Variants in RTN4IP1 observed in about 807,000 individuals in gnomAD.
RTN4IP1 encodes NAD(P)H oxidoreductase RTN4IP1, mitochondrial.
In RTN4IP1, 32 loss-of-function variants were observed where a neutral mutation model predicts 46.6. The observed-to-expected ratio is 0.69, with a 90% CI of 0.52 to 0.92. The LOEUF is 0.92. RTN4IP1 is among the 40% of genes least tolerant of loss of function. The pLI, the probability that RTN4IP1 is intolerant of heterozygous loss-of-function variation, is 0.00. For missense variants in RTN4IP1, 424 were observed against 485.8 expected, an observed-to-expected ratio of 0.87 and a Z score of 1.20; for synonymous variants, 167 against 161.8, an observed-to-expected ratio of 1.03 and a Z score of -0.24.
chr6:106,597,850 C>T (rs1170107291), intron 5 of RTN4IP1, among the ~76,000 whole-genome samples: 1 of 152,068 alleles, frequency 6.6e-6, no homozygotes, highest in Non-Finnish European at 1.5e-5. Context: ...CCCCGCTCCC[C>T]GCACCCCACC....
intron 5 of RTN4IP1, among the ~76,000 whole-genome samples, chr6:106,597,532 C>T (rs1775826960): frequency 6.6e-6 from 1 of 151,674 alleles, no homozygotes; most frequent in Non-Finnish European, 1.5e-5. Context: ...TTTGTAGAGA[C>T]GAGGTTTTGC....
chr6:106,620,428 A>G (rs1449045758), intron 3 of RTN4IP1, among the ~76,000 whole-genome samples: 1 of 152,102 alleles, frequency 6.6e-6, no homozygotes, highest in Non-Finnish European at 1.5e-5. Flanking sequence ...TGTTATCGGT[A>G]AGGCTTCTGG....
At chr6:106,620,266 G>A (rs1385876879) in intron 3 of RTN4IP1, among the ~76,000 whole-genome samples, 1 of 151,856 alleles carries the variant, frequency 6.6e-6, no homozygotes, top group Non-Finnish European at 1.5e-5. Flanking sequence ...CACCATGCCC[G>A]GCTAATTTTT....
intron 4 of RTN4IP1, among the ~76,000 whole-genome samples, chr6:106,610,846 C>A (rs1562149014): frequency 6.6e-6 from 1 of 151,998 alleles, no homozygotes; most frequent in East Asian, 1.9e-4. Context: ...ATTCTTAAAC[C>A]CTAAAATCTA....
chr6:106,623,007 G>A, intron 1 of RTN4IP1, 38 bp from the exon 2 acceptor site: 7 of 1,602,012 alleles, frequency 4.4e-6, no homozygotes, highest in Non-Finnish European at 5.1e-6. Context: ...CCAAATGTAA[G>A]TATGAAATGC....
intron 4 of RTN4IP1, among the ~76,000 whole-genome samples, chr6:106,618,412 G>A (rs1249577644): frequency 6.6e-6 from 1 of 152,084 alleles, no homozygotes; most frequent in Non-Finnish European, 1.5e-5. Flanking sequence ...CTCTATGATG[G>A]CAACTTTCTA....
rs58921891 is a variant in RTN4IP1, at chr6:106,577,447, C to CAAAAAA, written c.1084-5350_1084-5345dup. Among the ~76,000 whole-genome samples the CAAAAAA allele has an allele frequency of 7.0e-4, 39 of 55,382 alleles. 2 individuals carry two copies. Among genetic ancestry groups the CAAAAAA allele is most frequent in the African/African-American group, 1.7e-3 (21 of 12,708 alleles). The allele number at this position is 55,382 out of a possible 152,430, so 36.3% of individuals were successfully genotyped here. A position where few individuals can be genotyped will look rare whatever the true frequency, so the allele number is the denominator to read the frequency against. On this transcript the variant is annotated intron_variant, in intron 8 of 8. Coordinates refer to ENST00000369063, the MANE Select transcript of RTN4IP1 (RefSeq NM_032730.5). ...TGGGTGACAAAGTGAGACCCTGTCT[C>CAAAAAA]AAAAAAAAAAAAAAAAAAAAAAAAA...
At chr6:106,612,354 A>G (rs1297649145) in intron 4 of RTN4IP1, among the ~76,000 whole-genome samples, 2 of 140,936 alleles carry the variant, frequency 1.4e-5, no homozygotes, top group Admixed American at 1.5e-4. Flanking sequence ...ACCACTGCAC[A>G]CCAACCTGGG....
intron 5 of RTN4IP1, among the ~76,000 whole-genome samples, chr6:106,594,465 G>A (rs1372064199): frequency 6.6e-6 from 1 of 151,930 alleles, no homozygotes; most frequent in South Asian, 2.1e-4. Flanking sequence ...AGCCAAGGTC[G>A]TACCACTGCA....
At chr6:106,624,257 T>C (rs569188022) in intron 1 of RTN4IP1, among the ~76,000 whole-genome samples, 83 of 152,252 alleles carry the variant, frequency 5.5e-4, no homozygotes, top group Non-Finnish European at 9.4e-4. Context: ...GATTTCACCA[T>C]GTTGGCCAAG....
intron 8 of RTN4IP1, among the ~76,000 whole-genome samples, chr6:106,580,235 T>C (rs1282068048): frequency 1.5e-5 from 2 of 131,344 alleles, no homozygotes; most frequent in African/African-American, 5.9e-5. Context: ...AAAAAAAAGA[T>C]AGTTTAAATC....
upstream of RTN4IP1, chr6:106,629,699 C>T: frequency 6.2e-7 from 1 of 1,606,454 alleles, no homozygotes; most frequent in Non-Finnish European, 8.5e-7. Context: ...GCCGGAGCCT[C>T]CGAGAAGTGA....
intron 6 of RTN4IP1, among the ~76,000 whole-genome samples, chr6:106,589,135 AGAAGAG>A (rs1428278259): frequency 4.0e-4 from 45 of 111,480 alleles, no homozygotes; most frequent in South Asian, 7.2e-4. Flanking sequence ...AGGAAGAAGA[AGAAGAG>A]GAAGAGGAAG....
intron 6 of RTN4IP1, 108 bp downstream of exon 6, chr6:106,592,056 T>A: frequency 8.6e-7 from 1 of 1,160,368 alleles, no homozygotes; most frequent in Non-Finnish European, 1.2e-6. Flanking sequence ...TTTTCATAGA[T>A]CCTTCTCAAG....
At position 106,587,874 on chromosome 6, in the gene RTN4IP1, G is replaced by T. The variant is rs1775525368; in HGVS notation, c.807-12C>A. The T allele has an allele frequency of 1.2e-6, 2 of 1,602,926 alleles. No homozygotes were observed. Among genetic ancestry groups the T allele is most frequent in the Admixed American group, 3.4e-5 (2 of 59,096 alleles). On this transcript the variant is annotated splice_polypyrimidine_tract_variant and intron_variant, in intron 6 of 8. Transcript: ENST00000369063. ...GGATAAAATCAAATCTGGAGAGGAA[G>T]AACCAAATCAAAACATGGTTGTCAG...
At chr6:106,597,543 C>T (rs1259699037) in intron 5 of RTN4IP1, among the ~76,000 whole-genome samples, 1 of 152,008 alleles carries the variant, frequency 6.6e-6, no homozygotes, top group Admixed American at 6.6e-5. Context: ...GAGGTTTTGC[C>T]ATGTTGCCCA....
chr6:106,607,529 CA>C (rs35464141), intron 4 of RTN4IP1, among the ~76,000 whole-genome samples: 118,577 of 151,936 alleles, frequency 0.78, 47,695 homozygotes, highest in Non-Finnish European at 0.89. Context: ...TCAACAACAA[CA>C]AAAAAACTAG....
At chr6:106,579,598 T>C (rs1038677979) in intron 8 of RTN4IP1, among the ~76,000 whole-genome samples, 1 of 152,050 alleles carries the variant, frequency 6.6e-6, no homozygotes, top group Non-Finnish European at 1.5e-5. Context: ...AGTGCTGCAC[T>C]GGGAGAAAGC....
At chr6:106,591,230 A>G (rs1775654570) in intron 6 of RTN4IP1, among the ~76,000 whole-genome samples, 1 of 152,164 alleles carries the variant, frequency 6.6e-6, no homozygotes, top group African/African-American at 2.4e-5. Context: ...TGTAAGCTCC[A>G]TGAAAGTGGG....
Sources: allele counts gnomAD v4.1 joint callset (sites outside exome capture counted in the v4.1 genomes callset), GRCh38; gene constraint gnomAD v4.1.1; transcripts MANE v1.5; gene names NCBI Gene and HGNC (gene_info 2026-07-23, HGNC 2026-07-21).